CHST8: variants seen among roughly 807,000 people sequenced by gnomAD.
CHST8 encodes carbohydrate sulfotransferase 8.
CHST8 carries 10 observed loss-of-function variants against 15.0 expected under a neutral mutation model. That is an observed-to-expected ratio of 0.67 (90% CI 0.41 to 1.13). The LOEUF (loss-of-function observed/expected upper bound fraction) is 1.13. CHST8 is among the 50% of genes most tolerant of loss of function. The probability of loss-of-function intolerance (pLI) is 0.00; values close to 1 mark genes in which losing one functional copy is unlikely to be tolerated. For missense variants in CHST8, 634 were observed against 608.2 expected, an observed-to-expected ratio of 1.04 and a Z score of -0.45; for synonymous variants, 259 against 256.6, an observed-to-expected ratio of 1.01 and a Z score of -0.09.
At chr19:33,707,148 G>A (rs981881799) in intron 3 of CHST8, among the ~76,000 whole-genome samples, 6 of 152,078 alleles carry the variant, frequency 3.9e-5, no homozygotes, top group Non-Finnish European at 7.4e-5. Context: ...AAACTCCTGG[G>A]CTCAAGCGAT....
At chr19:33,661,968 T>G (rs1972592363) in intron 1 of CHST8, among the ~76,000 whole-genome samples, 1 of 151,968 alleles carries the variant, frequency 6.6e-6, no homozygotes. Context: ...CCCAGGAGTT[T>G]GAGGCTGCAG....
At chr19:33,705,259 G>C (rs968416061) in intron 3 of CHST8, among the ~76,000 whole-genome samples, 1 of 152,198 alleles carries the variant, frequency 6.6e-6, no homozygotes, top group African/African-American at 2.4e-5. Flanking sequence ...CATGAGCAGA[G>C]CATCTCCTGG....
At chr19:33,694,409 A>C (rs1019795798) in intron 3 of CHST8, among the ~76,000 whole-genome samples, 9 of 151,398 alleles carry the variant, frequency 5.9e-5, no homozygotes, top group African/African-American at 2.2e-4. Context: ...TGTGGTGGAC[A>C]GCAAAGATCC....
At chr19:33,643,683 C>T (rs770935371) in intron 1 of CHST8, among the ~76,000 whole-genome samples, 27 of 152,184 alleles carry the variant, frequency 1.8e-4, no homozygotes, top group Non-Finnish European at 3.8e-4. Flanking sequence ...CTCTTCTAGT[C>T]CCAGCACCCA....
chr19:33,699,792 C>G (rs1973296658), intron 3 of CHST8, among the ~76,000 whole-genome samples: 1 of 152,116 alleles, frequency 6.6e-6, no homozygotes, highest in African/African-American at 2.4e-5. Context: ...GTTCGGAGGA[C>G]CAAACTGCAA....
At chr19:33,691,045 C>T (rs1183672446) in intron 3 of CHST8, among the ~76,000 whole-genome samples, 2 of 152,194 alleles carry the variant, frequency 1.3e-5, no homozygotes, top group Non-Finnish European at 2.9e-5. Context: ...GGACCAGGGC[C>T]TGGACCCATC....
chr19:33,722,037 T>C (rs1213152766), intron 3 of CHST8, among the ~76,000 whole-genome samples: 1 of 141,508 alleles, frequency 7.1e-6, no homozygotes, highest in African/African-American at 2.7e-5. Flanking sequence ...AGTGGGCATA[T>C]GGATGGATGG....
intron 2 of CHST8, among the ~76,000 whole-genome samples, chr19:33,668,556 GGAA>G (rs1437082893): frequency 5.9e-5 from 9 of 152,150 alleles, no homozygotes; most frequent in African/African-American, 2.2e-4. Context: ...CCAGGGAGGT[GGAA>G]GGGAGGAAGA....
chr19:33,661,992 C>T (rs1000941316), intron 1 of CHST8, among the ~76,000 whole-genome samples: 2 of 152,010 alleles, frequency 1.3e-5, no homozygotes, highest in African/African-American at 4.8e-5. Context: ...GATGGGATCG[C>T]ACCACTGCAC....
intron 1 of CHST8, among the ~76,000 whole-genome samples, chr19:33,641,924 C>T (rs1370243673): frequency 6.6e-6 from 1 of 152,200 alleles, no homozygotes. Context: ...AATTTAAAAC[C>T]AAAGTCCTAC....
chr19:33,684,094 T>G (rs894136365), intron 2 of CHST8, among the ~76,000 whole-genome samples: 2 of 152,174 alleles, frequency 1.3e-5, no homozygotes, highest in African/African-American at 4.8e-5. Flanking sequence ...GGCTGTGTGT[T>G]TGCAGGCGCC....
intron 1 of CHST8, among the ~76,000 whole-genome samples, chr19:33,636,967 T>C (rs1249611134): frequency 6.6e-6 from 1 of 152,212 alleles, no homozygotes; most frequent in African/African-American, 2.4e-5. Flanking sequence ...CCCCAACCAC[T>C]GCTGGTTGCC....
chr19:33,651,388 A>G (rs998872284), intron 1 of CHST8, among the ~76,000 whole-genome samples: 4 of 152,060 alleles, frequency 2.6e-5, no homozygotes, highest in East Asian at 1.9e-4. Context: ...AAAGCGTCCT[A>G]TATTACTAGT....
At chr19:33,700,095 G>C (rs1973302899) in intron 3 of CHST8, among the ~76,000 whole-genome samples, 1 of 152,212 alleles carries the variant, frequency 6.6e-6, no homozygotes, top group Admixed American at 6.5e-5. Flanking sequence ...TCTAAGCCCA[G>C]ACTCCTTCCT....
chr19:33,711,639 T>A (rs1298320581), intron 3 of CHST8, among the ~76,000 whole-genome samples: 5 of 152,140 alleles, frequency 3.3e-5, no homozygotes, highest in Non-Finnish European at 7.3e-5. Context: ...TAAATAAGTA[T>A]TTACTTTTTT....
chr19:33,684,219 TC>T (rs1361802598), intron 2 of CHST8, among the ~76,000 whole-genome samples: 8 of 152,212 alleles, frequency 5.3e-5, no homozygotes, highest in Non-Finnish European at 1.2e-4. Context: ...CCCGGTAATC[TC>T]CACCTCGGAA....
At chr19:33,672,630 G>C (rs756821659) in intron 2 of CHST8, among the ~76,000 whole-genome samples, 1 of 152,226 alleles carries the variant, frequency 6.6e-6, no homozygotes, top group Non-Finnish European at 1.5e-5. Flanking sequence ...CAGGGACTCT[G>C]ACTGGCCGGG....
chr19:33,734,713 G>T (rs759064758), intron 3 of CHST8, among the ~76,000 whole-genome samples: 5 of 152,124 alleles, frequency 3.3e-5, no homozygotes, highest in Non-Finnish European at 7.4e-5. Context: ...GGGTCTGTTG[G>T]GAGTGAGGAC....
chr19:33,648,855 A>G (rs1255474580), intron 1 of CHST8, among the ~76,000 whole-genome samples: 1 of 150,768 alleles, frequency 6.6e-6, no homozygotes, highest in Admixed American at 6.6e-5. Flanking sequence ...ATAAATGTGT[A>G]TATCTGTACA....
Sources: allele counts gnomAD v4.1 joint callset (sites outside exome capture counted in the v4.1 genomes callset), GRCh38; gene constraint gnomAD v4.1.1; transcripts MANE v1.5; gene names NCBI Gene and HGNC (gene_info 2026-07-23, HGNC 2026-07-21).